The following NOP2 variants were observed in gnomAD, a reference collection of about 807,000 sequenced individuals.
The protein encoded by NOP2 is NOP2 nucleolar protein, also known as 28S rRNA (cytosine(4447)-C(5))-methyltransferase.
A neutral mutation model predicts 72.7 loss-of-function variants in NOP2; 7 were observed. The observed-to-expected ratio is 0.10, with a 90% CI of 0.05 to 0.18. The LOEUF is 0.18. NOP2 is among the 10% of genes least tolerant of loss of function. NOP2 has a pLI of 1.00. For synonymous variants in NOP2, 387 were observed against 388.0 expected, an observed-to-expected ratio of 1.00 and a Z score of 0.03; for missense variants, 954 against 1,014.7, an observed-to-expected ratio of 0.94 and a Z score of 0.81.
intron 9 of NOP2, 33 bp downstream of exon 9, chr12:6,563,048 T>C: frequency 5.8e-6 from 9 of 1,548,802 alleles, no homozygotes; most frequent in Non-Finnish European, 7.9e-6. Flanking sequence ...ACTTCCCTTC[T>C]GAGATGAGTG....
At chr12:6,566,855 T>A (rs1406514134) in intron 2 of NOP2, 33 bp from the exon 3 acceptor site, 6 of 1,572,254 alleles carry the variant, frequency 3.8e-6, no homozygotes, top group African/African-American at 2.7e-5. Context: ...GCAGAACAAG[T>A]TACAGGGGAC....
chr12:6,566,043 G>A lies in NOP2; in HGVS notation c.474+58C>T. On this transcript the variant is annotated intron_variant, in intron 5 of 15. Coordinates refer to ENST00000322166, the MANE Select transcript of NOP2 (RefSeq NM_001258308.2). ...CACTAAGAAACAGTCTCAAGAATCTGGGAAAGAAACTAAATAGCAAGGATC... is the reference window on the plus strand; with the variant it reads ...CACTAAGAAACAGTCTCAAGAATCTAGGAAAGAAACTAAATAGCAAGGATC... 2.8e-6 allele frequency: 4 copies of A among 1,413,298 alleles called. No homozygotes were observed. In the South Asian group the frequency reaches 3.7e-5, roughly 13 times the overall value. The allele number at this position is 1,413,298 out of a possible 1,614,324, so 87.5% of individuals were successfully genotyped here. A position where few individuals can be genotyped will look rare whatever the true frequency, so the allele number is the denominator to read the frequency against.
Position 6,560,395 on chromosome 12 carries a change from C to A in NOP2, c.1560+52G>T, listed in dbSNP as rs1947613683. 1.9e-6 allele frequency: 3 copies of A among 1,598,118 alleles called. No homozygotes were observed. The highest frequency in any genetic ancestry group is 2.6e-6 in the Non-Finnish European group (3 of 1,170,112). On this transcript the variant is annotated intron_variant, in intron 14 of 15. Coordinates refer to ENST00000322166, the MANE Select transcript of NOP2 (RefSeq NM_001258308.2). The surrounding 1 kb of genome is among the most constrained non-coding windows in gnomAD (Gnocchi z 5.0). The stretch of plus-strand genomic sequence containing the variant: ...TGGAGCTGAAGGGAGCTCTAAGGGG[C>A]AAAGAGCCCCCCAGCCCAGCCTCCC...
Position 6,561,013 on chromosome 12 carries a change from A to G in NOP2, c.1265T>C (p.Leu422Pro). ...ATGCAAGTTGCCCACAACACTCTTG[A>G]GCCGCTCAGCATTGGCGTCATTGGC... ...ILANDANAER[L>P]KSVVGNLHRL... Residue 422 changes from leucine (L) to proline (P), a missense_variant, in exon 12 of 16, where the codon CTC becomes CCC. By Grantham distance (98) the Leu-to-Pro change is moderately conservative. This residue lies in a region of NOP2 where 187 missense variants were observed against 276.2 expected (regional missense o/e 0.68). Coordinates refer to ENST00000322166, the MANE Select transcript of NOP2 (RefSeq NM_001258308.2). 6.2e-7 allele frequency: 1 copy of G among 1,613,896 alleles called. No homozygotes were observed.
intron 1 of NOP2, 113 bp from the exon 2 acceptor site, chr12:6,568,035 A>G (rs779033963): frequency 9.5e-6 from 7 of 740,728 alleles, no homozygotes; most frequent in South Asian, 5.1e-5. Context: ...CAGCACCCGC[A>G]ACTCACTCAG....
In NOP2 at chr12:6,564,738, GT is replaced by G. The variant is rs78142654; in HGVS notation, c.475-793del. Among the ~76,000 whole-genome samples the G allele has an allele frequency of 5.4e-3, 720 of 132,240 alleles. 1 individual carries two copies. The highest frequency in any genetic ancestry group is 0.014 in the African/African-American group (501 of 36,196). The allele number at this position is 132,240 out of a possible 152,430, so 86.8% of individuals were successfully genotyped here. A position where few individuals can be genotyped will look rare whatever the true frequency, so the allele number is the denominator to read the frequency against. ...GCCACCGTGCCTGGCCCATTTTGTC[GT>G]TTTTTTTTTTTTTTTACTTACTCTG... On this transcript the variant is annotated intron_variant, in intron 5 of 15. Transcript: ENST00000322166.
In NOP2 at chr12:6,566,110, T is replaced by G; in HGVS notation, c.465A>C (p.Glu155Asp). The change falls in exon 5 of 16, where the codon GAA (glutamate) becomes GAC (aspartate). Residue 155 changes from glutamate (E) to aspartate (D), a missense_variant. By Grantham distance (45) the Glu-to-Asp change is conservative. This residue lies in a region of NOP2 where 498 missense variants were observed against 478.3 expected (regional missense o/e 1.04). Transcript: ENST00000322166. ...GADSNSEDEE[E>D]GEALLPIERA... ...AAAAGATGAATCTCACCGCTTCACCTTCCTCCTCATCCTCAGAGTTGGAGT... is the reference window on the plus strand; with the variant it reads ...AAAAGATGAATCTCACCGCTTCACCGTCCTCCTCATCCTCAGAGTTGGAGT... 1 of 1,612,946 alleles carries G rather than the reference T, an allele frequency of 6.2e-7. No homozygotes were observed. Among genetic ancestry groups the G allele is most frequent in the Non-Finnish European group, 8.5e-7 (1 of 1,179,256 alleles).
chr12:6,560,798 G>C lies in NOP2; in HGVS notation c.1348-11C>G. ...AAAGCCCCCCACCACCTGGAGAAAA[G>C]ATACAGATGAATCATATGTCTCTTC... On this transcript the variant is annotated splice_polypyrimidine_tract_variant and intron_variant, in intron 12 of 15. Coordinates refer to ENST00000322166, the MANE Select transcript of NOP2 (RefSeq NM_001258308.2). This position sits in a 1 kb window ranked among gnomAD's most constrained non-coding sequence, Gnocchi z 5.0. 1 of 1,611,782 alleles carries C rather than the reference G, an allele frequency of 6.2e-7. No individual in the cohort carries two copies. The highest frequency in any genetic ancestry group is 8.5e-7 in the Non-Finnish European group (1 of 1,178,920).
At chr12:6,558,411 G>T (rs1025318759) in intron 15 of NOP2, among the ~76,000 whole-genome samples, 1 of 150,068 alleles carries the variant, frequency 6.7e-6, no homozygotes, top group Admixed American at 6.7e-5. Context: ...AATCACAACC[G>T]TGCGCCACCA....
At chr12:6,561,124 T>G (rs1300933967) in intron 11 of NOP2, 54 bp from the exon 12 acceptor site, 1 of 1,598,454 alleles carries the variant, frequency 6.3e-7, no homozygotes, top group African/African-American at 1.3e-5. Flanking sequence ...TCTCCACACT[T>G]GCTCCCACCC....
Position 6,563,957 on chromosome 12 carries a change from A to T in NOP2, c.475-11T>A, listed in dbSNP as rs1462813951. 6.2e-7 allele frequency: 1 copy of T among 1,612,526 alleles called. No individual in the cohort carries two copies. Among genetic ancestry groups the T allele is most frequent in the African/African-American group, 1.3e-5 (1 of 74,910 alleles). Reference sequence around the variant, plus strand: ...TTCAATGGGCAGCAACTGAAGAGAGACAAGGGCTATTAATACAGGCCTGCC... The same window carrying T: ...TTCAATGGGCAGCAACTGAAGAGAGTCAAGGGCTATTAATACAGGCCTGCC... On this transcript the variant is annotated splice_polypyrimidine_tract_variant and intron_variant, in intron 5 of 15. Coordinates refer to ENST00000322166, the MANE Select transcript of NOP2 (RefSeq NM_001258308.2).
chr12:6,566,663 C>A, intron 3 of NOP2, 46 bp from the exon 4 acceptor site: 1 of 1,601,456 alleles, frequency 6.2e-7, no homozygotes, highest in Non-Finnish European at 8.6e-7. Flanking sequence ...TGGGAAGATA[C>A]TTCCAGGCTC....
intron 5 of NOP2, 41 bp downstream of exon 5, chr12:6,566,060 G>C: frequency 2.0e-6 from 3 of 1,494,612 alleles, no homozygotes; most frequent in Non-Finnish European, 2.8e-6. Context: ...AAACTAAATA[G>C]CAAGGATCCT....
At position 6,566,274 on chromosome 12, in the gene NOP2, G is replaced by C. The variant is rs774279967; in HGVS notation, c.301C>G (p.Pro101Ala). ...GGTGCTGGGCGCTTCTTGCCTCGAG[G>C]AGCATTAAATAGGGACTGGGGTCCC... Reference protein sequence around the residue: ...KKGPQSLFNAPRGKKRPAPGS... With the variant: ...KKGPQSLFNAARGKKRPAPGS... The change falls in exon 5 of 16, where the codon CCT (proline) becomes GCT (alanine). Residue 101 changes from proline (P) to alanine (A), a missense_variant. Pro to Ala is a conservative substitution (Grantham distance 27, BLOSUM62 -1). Coordinates refer to ENST00000322166, the MANE Select transcript of NOP2 (RefSeq NM_001258308.2). The C allele has an allele frequency of 3.1e-6, 5 of 1,613,896 alleles. No homozygotes were observed. The highest frequency in any genetic ancestry group is 3.4e-6 in the Non-Finnish European group (4 of 1,179,874).
rs746771676 is a variant in NOP2, at chr12:6,557,583, C to G, written c.1849G>C (p.Glu617Gln). The part of the protein sequence containing the change: ...VDLPQVIPKS[E>Q]NSSQPAKKAK... ...TTCTTGGCTGGCTGGCTGCTGTTCT[C>G]AGACTTGGGGATGACCTGAGGCAAG... The change falls in exon 16 of 16, where the codon GAG becomes CAG. Residue 617 changes from glutamate (E) to glutamine (Q), a missense_variant. Physicochemically the swap from Glu to Gln is conservative, Grantham distance 29. Coordinates refer to ENST00000322166, the MANE Select transcript of NOP2 (RefSeq NM_001258308.2). The G allele has an allele frequency of 1.2e-6, 2 of 1,613,788 alleles. No individual in the cohort carries two copies. The highest frequency in any genetic ancestry group is 1.1e-5 in the South Asian group (1 of 91,066).
Position 6,566,526 on chromosome 12 carries a change from G to T in NOP2, c.238+3C>A. 6.2e-7 allele frequency: 1 copy of T among 1,613,698 alleles called. No homozygotes were observed. The highest frequency in any genetic ancestry group is 1.7e-4 in the Middle Eastern group (1 of 6,058). On this transcript the variant is annotated splice_donor_region_variant and intron_variant, in intron 4 of 15. Coordinates refer to ENST00000322166, the MANE Select transcript of NOP2 (RefSeq NM_001258308.2). ...GTAGCATCCAGCTCTTAGTTTCACG[G>T]ACCTTTTGGTAGCTTTCCAGGCAAT... is the stretch of plus-strand genomic sequence containing the variant.
At position 6,557,095 on chromosome 12, in the gene NOP2, C is replaced by T. The variant is rs1176747858; in HGVS notation, c.2337G>A (p.Gly779=). Residue 779 remains glycine, a synonymous_variant, in exon 16 of 16, where the codon GGG becomes GGA. Coordinates refer to ENST00000322166, the MANE Select transcript of NOP2 (RefSeq NM_001258308.2). ...AFQKQNDTPK[G]PQPPTVSPIR... ...TGGGAGACACAGTGGGAGGCTGAGG[C>T]CCCTTGGGGGTATCATTCTGTTTCT... is the stretch of plus-strand genomic sequence containing the variant. The T allele has an allele frequency of 1.9e-6, 3 of 1,613,828 alleles. No homozygotes were observed. The highest frequency in any genetic ancestry group is 2.2e-5 in the East Asian group (1 of 44,886).
chr12:6,566,638 C>A, intron 3 of NOP2, 21 bp from the exon 4 acceptor site: 1 of 1,612,016 alleles, frequency 6.2e-7, no homozygotes, highest in Non-Finnish European at 8.5e-7. Context: ...ACAAGAGATT[C>A]AAGGAGTGAA....
chr12:6,560,865 A>G lies in NOP2; in HGVS notation c.1347+66T>C, dbSNP rs1409153892. On this transcript the variant is annotated intron_variant, in intron 12 of 15. Coordinates refer to ENST00000322166, the MANE Select transcript of NOP2 (RefSeq NM_001258308.2). The surrounding 1 kb of genome is among the most constrained non-coding windows in gnomAD (Gnocchi z 5.0). Reference sequence around the variant, plus strand: ...ATATTTACTAGGGTCGAGTCTAAACATTGAGGTCAGGAAGGGAGAAGGTCA... The same window carrying G: ...ATATTTACTAGGGTCGAGTCTAAACGTTGAGGTCAGGAAGGGAGAAGGTCA... 5.0e-6 allele frequency: 8 copies of G among 1,610,812 alleles called. No individual in the cohort carries two copies. Among genetic ancestry groups the G allele is most frequent in the Middle Eastern group, 3.3e-4 (2 of 6,060 alleles).
Sources: allele counts gnomAD v4.1 joint callset (sites outside exome capture counted in the v4.1 genomes callset), GRCh38; gene constraint gnomAD v4.1.1; regional missense constraint gnomAD v4.1.1; non-coding constraint Gnocchi (gnomAD v3.1); transcripts MANE v1.5; gene names NCBI Gene and HGNC (gene_info 2026-07-23, HGNC 2026-07-21).